The following GRIN2A variants were observed in gnomAD, a reference collection of about 807,000 sequenced individuals.
GRIN2A encodes the protein glutamate ionotropic receptor NMDA type subunit 2A.
GRIN2A carries 22 observed loss-of-function variants against 113.4 expected under a neutral mutation model. The observed-to-expected ratio is 0.19, with a 90% CI of 0.14 to 0.28. The LOEUF is 0.28. Among genes scored for constraint, GRIN2A ranks in the 10% least tolerant of loss-of-function variants. GRIN2A has a pLI of 1.00. For synonymous variants in GRIN2A, 827 were observed against 738.4 expected (o/e 1.12, Z -1.94); for missense variants, 1,502 against 1,887.0 (o/e 0.80, Z 3.78).
At chr16:9,893,982 C>T (rs1311562617) in intron 3 of GRIN2A, among the ~76,000 whole-genome samples, 1 of 152,090 alleles carries the variant, frequency 6.6e-6, no homozygotes, top group Non-Finnish European at 1.5e-5. Flanking sequence ...ACCTATAATG[C>T]CACTTATTCA....
chr16:9,966,466 C>T (rs1318005630), intron 2 of GRIN2A, among the ~76,000 whole-genome samples: 1 of 152,190 alleles, frequency 6.6e-6, no homozygotes, highest in Non-Finnish European at 1.5e-5. Context: ...TTTCTTATGG[C>T]TGCATAGTAT....
At chr16:9,988,322 G>T (rs899167764) in intron 2 of GRIN2A, among the ~76,000 whole-genome samples, 33 of 138,908 alleles carry the variant, frequency 2.4e-4, no homozygotes, top group Admixed American at 1.1e-3. Context: ...ACAGAAAGAG[G>T]TCTTACAAAC....
chr16:10,107,863 G>C (rs1431874056), intron 2 of GRIN2A, among the ~76,000 whole-genome samples: 2 of 152,186 alleles, frequency 1.3e-5, no homozygotes, highest in Admixed American at 1.3e-4. Flanking sequence ...CACTGATCAA[G>C]GCAGTGGGGG....
chr16:10,129,356 A>G (rs1019340651), intron 2 of GRIN2A, among the ~76,000 whole-genome samples: 2 of 120,136 alleles, frequency 1.7e-5, no homozygotes, highest in African/African-American at 6.0e-5. Context: ...ACATGCTTTA[A>G]TGGGAGGAGT....
intron 2 of GRIN2A, among the ~76,000 whole-genome samples, chr16:10,104,947 G>A (rs2048467845): frequency 6.6e-6 from 1 of 152,144 alleles, no homozygotes; most frequent in African/African-American, 2.4e-5. Context: ...ACAGGGGGAG[G>A]TGCTAAATGT....
At chr16:10,062,089 G>A (rs1032313137) in intron 2 of GRIN2A, among the ~76,000 whole-genome samples, 2 of 152,194 alleles carry the variant, frequency 1.3e-5, no homozygotes, top group Non-Finnish European at 2.9e-5. Context: ...ATGAATGGCT[G>A]AACTGGGATG....
rs570149189 is a variant in GRIN2A at position 9,988,871 on chromosome 16, A to G, written c.415-50320T>C. 6.6e-5 allele frequency among the ~76,000 whole-genome samples: 10 copies of G among 152,240 alleles called. No homozygotes were observed. The South Asian group carries it at 1.0e-3, about 16-fold the overall frequency. On this transcript the variant is annotated intron_variant, in intron 2 of 12. Coordinates refer to ENST00000330684, the MANE Select transcript of GRIN2A (RefSeq NM_001134407.3). ...GTAGCCCAAGATCCCCCAGAACAGA[A>G]CCATGATAACCAGACAGGAGGAGGG...
intron 11 of GRIN2A, among the ~76,000 whole-genome samples, chr16:9,793,257 T>A (rs1163865622): frequency 1.3e-5 from 2 of 152,168 alleles, no homozygotes; most frequent in African/African-American, 4.8e-5. Flanking sequence ...TCCTTCCCTT[T>A]TCTCAGCATC....
intron 4 of GRIN2A, among the ~76,000 whole-genome samples, chr16:9,883,866 G>A (rs578022314): frequency 1.3e-5 from 2 of 152,322 alleles, no homozygotes; most frequent in South Asian, 2.1e-4. Flanking sequence ...CCATCAGAGC[G>A]AGAATGGGAC....
At chr16:9,976,450 G>A (rs2045774903) in intron 2 of GRIN2A, among the ~76,000 whole-genome samples, 1 of 152,130 alleles carries the variant, frequency 6.6e-6, no homozygotes, top group Admixed American at 6.5e-5. Flanking sequence ...CTGATCCTTT[G>A]TTGAACGTTC....
chr16:10,054,874 C>T (rs2047418745), intron 2 of GRIN2A, among the ~76,000 whole-genome samples: 1 of 150,734 alleles, frequency 6.6e-6, no homozygotes, highest in Non-Finnish European at 1.5e-5. Flanking sequence ...GGTAAAACCC[C>T]ATCTCTACTA....
At chr16:9,840,411 G>T (rs753651232) in intron 7 of GRIN2A, among the ~76,000 whole-genome samples, 1 of 152,028 alleles carries the variant, frequency 6.6e-6, no homozygotes, top group Non-Finnish European at 1.5e-5. Flanking sequence ...CCATGATCCC[G>T]TCACCTCCCA....
At chr16:10,136,926 C>T (rs1308906166) in intron 2 of GRIN2A, among the ~76,000 whole-genome samples, 3 of 152,160 alleles carry the variant, frequency 2.0e-5, no homozygotes, top group Non-Finnish European at 2.9e-5. Context: ...TAAAAGGAAA[C>T]AATAAATGGT....
chr16:9,836,509 C>A (rs2042585502), intron 7 of GRIN2A, among the ~76,000 whole-genome samples: 1 of 152,202 alleles, frequency 6.6e-6, no homozygotes, highest in Non-Finnish European at 1.5e-5. Flanking sequence ...ATCCTTGTCA[C>A]TAACACGCTA....
Position 10,016,688 on chromosome 16 carries a change from A to T in GRIN2A, c.415-78137T>A, listed in dbSNP as rs571038720. 2.0e-5 allele frequency among the ~76,000 whole-genome samples: 3 copies of T among 152,286 alleles called. No homozygotes were observed. The South Asian group carries it at 6.2e-4, about 32-fold the overall frequency. Reference sequence around the variant, plus strand: ...GTTTTTGCAATAGTTTCTCTCCCCCACTGGGTGATTATTCATGCACTGCTT... The same window carrying T: ...GTTTTTGCAATAGTTTCTCTCCCCCTCTGGGTGATTATTCATGCACTGCTT... On this transcript the variant is annotated intron_variant, in intron 2 of 12. Coordinates refer to ENST00000330684, the MANE Select transcript of GRIN2A (RefSeq NM_001134407.3).
At chr16:9,983,315 G>A (rs2045924797) in intron 2 of GRIN2A, among the ~76,000 whole-genome samples, 1 of 152,116 alleles carries the variant, frequency 6.6e-6, no homozygotes, top group Non-Finnish European at 1.5e-5. Flanking sequence ...TGAGATCAAT[G>A]CTTTGAGCTT....
In GRIN2A at chr16:9,759,597, C is replaced by A. The variant is rs554246860; in HGVS notation, c.*3552G>T. ...CAATGTGTGAATTTTAATGCTTTCA[C>A]CAGAAAAACTAAATACTCAGACTCT... On this transcript the variant is annotated 3_prime_UTR_variant, in exon 13 of 13. Coordinates refer to ENST00000330684, the MANE Select transcript of GRIN2A (RefSeq NM_001134407.3). The A allele has an allele frequency of 3.9e-5, 9 of 228,718 alleles. No individual in the cohort carries two copies. Among genetic ancestry groups the A allele is most frequent in the South Asian group, 3.6e-4 (2 of 5,506 alleles). 14.2% of individuals were successfully genotyped at this position (228,718 alleles called of 1,614,324 possible). A position where few individuals can be genotyped will look rare whatever the true frequency, so the allele number is the denominator to read the frequency against.
At chr16:9,979,269 G>A (rs780212788) in intron 2 of GRIN2A, among the ~76,000 whole-genome samples, 28 of 152,238 alleles carry the variant, frequency 1.8e-4, no homozygotes, top group South Asian at 4.1e-4. Flanking sequence ...AAGGAACAAG[G>A]AAGACAGTGC....
At chr16:10,104,124 T>C (rs1288458269) in intron 2 of GRIN2A, among the ~76,000 whole-genome samples, 1 of 152,234 alleles carries the variant, frequency 6.6e-6, no homozygotes, top group Admixed American at 6.5e-5. Context: ...GGGTTGTTAT[T>C]TTTTCTCTAG....
Sources: gnomAD v4.1 joint callset for allele counts (sites outside exome capture counted in the v4.1 genomes callset) on GRCh38, gnomAD v4.1.1 for gene constraint, MANE v1.5 for transcripts, NCBI Gene and HGNC (gene_info 2026-07-23, HGNC 2026-07-21) for gene names.